Variants in COL4A5 observed in about 807,000 individuals in gnomAD.
COL4A5 encodes the protein collagen type IV alpha 5 chain.
A neutral mutation model predicts 130.2 loss-of-function variants in COL4A5; 26 were observed. That is an observed-to-expected ratio of 0.20 (90% CI 0.15 to 0.28). COL4A5 has a LOEUF of 0.28. Ranked by LOEUF, COL4A5 falls within the 10% of genes least tolerant of loss-of-function variation. The pLI is 1.00. For synonymous variants in COL4A5, 496 were observed against 439.6 expected, an observed-to-expected ratio of 1.13 and a Z score of -1.60; for missense variants, 1,131 against 1,344.3, an observed-to-expected ratio of 0.84 and a Z score of 2.48.
chrX:108,503,531 C>T (rs1440820181), intron 1 of COL4A5, among the ~76,000 whole-genome samples: 1 of 111,736 alleles, frequency 8.9e-6, no homozygotes, highest in Non-Finnish European at 1.9e-5. Flanking sequence ...CTCCAAAAGC[C>T]TTCTAGGCTT....
At chrX:108,588,585 A>T (rs1056921892) in intron 19 of COL4A5, among the ~76,000 whole-genome samples, 1 of 110,716 alleles carries the variant, frequency 9.0e-6, no homozygotes, top group Non-Finnish European at 1.9e-5. Context: ...ATGGGACAAG[A>T]GGCAGCATTT....
rs28880352 is a variant in COL4A5, at chrX:108,644,598, A to G, written c.3247-10733A>G. 3.7e-3 allele frequency among the ~76,000 whole-genome samples: 419 copies of G among 112,002 alleles called. 4 individuals carry two copies. Among genetic ancestry groups the G allele is most frequent in the African/African-American group, 0.013 (402 of 30,825 alleles). The stretch of plus-strand genomic sequence containing the variant: ...CAAAAGGAATCTGCAAATACATGGA[A>G]TTTAAACAACTTCCTCTCGGGCCGG... On this transcript the variant is annotated intron_variant, in intron 36 of 52. Transcript: ENST00000328300.
At chrX:108,693,014 T>C (rs776768040) in intron 50 of COL4A5, 89 bp downstream of exon 50, 1 of 1,007,835 alleles carries the variant, frequency 9.9e-7, no homozygotes, top group Admixed American at 2.2e-5. Flanking sequence ...CTGATGATAT[T>C]CCTCCTAGGT....
At chrX:108,505,099 G>A (rs978242071) in intron 1 of COL4A5, among the ~76,000 whole-genome samples, 2 of 111,458 alleles carry the variant, frequency 1.8e-5, no homozygotes, top group African/African-American at 6.5e-5. Flanking sequence ...GGATGAAACT[G>A]GAGGCCATTA....
At chrX:108,553,559 T>A (rs1331220353) in intron 2 of COL4A5, among the ~76,000 whole-genome samples, 1 of 111,804 alleles carries the variant, frequency 8.9e-6, no homozygotes, top group Non-Finnish European at 1.9e-5. Flanking sequence ...ACCATAAACC[T>A]GTTAGAATAT....
Position 108,601,932 on chromosome X carries a change from A to G in COL4A5, c.2089A>G (p.Ser697Gly). Residue 697 changes from serine (S) to glycine (G), a missense_variant, in exon 27 of 53, where the codon AGC becomes GGC. Physicochemically the swap from Ser to Gly is moderately conservative, Grantham distance 56. Coordinates refer to ENST00000328300, the MANE Select transcript of COL4A5 (RefSeq NM_033380.3). ...ACCAGGCTTGCCAGGGATACCTGGT[A>G]GCAAAGGAGAACCAGGTATCCCTGG... ...GQPGLPGIPG[S>G]KGEPGIPGIG... The G allele has an allele frequency of 8.6e-7, 1 of 1,167,994 alleles. No homozygotes were observed. The highest frequency in any genetic ancestry group is 1.1e-6 in the Non-Finnish European group (1 of 869,900).
intron 2 of COL4A5, among the ~76,000 whole-genome samples, chrX:108,544,443 A>C (rs925469211): frequency 1.8e-5 from 2 of 112,037 alleles, no homozygotes; most frequent in African/African-American, 6.5e-5. Context: ...CCAGCCTTGC[A>C]TCCCAGGGAT....
At chrX:108,470,069 T>G (rs1420444341) in intron 1 of COL4A5, among the ~76,000 whole-genome samples, 3 of 112,383 alleles carry the variant, frequency 2.7e-5, no homozygotes, top group Non-Finnish European at 3.8e-5. Context: ...ATGTCTTTGC[T>G]ATTGTGAATG....
intron 1 of COL4A5, among the ~76,000 whole-genome samples, chrX:108,537,939 A>G (rs1181515742): frequency 8.9e-6 from 1 of 111,975 alleles, no homozygotes; most frequent in African/African-American, 3.2e-5. Flanking sequence ...TATAAAATCC[A>G]TAGTCTGGAA....
chrX:108,612,939 G>C (rs1346731307), intron 29 of COL4A5, among the ~76,000 whole-genome samples: 1 of 112,007 alleles, frequency 8.9e-6, no homozygotes. Context: ...TAACATAATA[G>C]AGAGTCTAGA....
At chrX:108,618,147 T>G (rs896073026) in intron 30 of COL4A5, among the ~76,000 whole-genome samples, 1 of 111,337 alleles carries the variant, frequency 9.0e-6, no homozygotes, top group African/African-American at 3.3e-5. Flanking sequence ...ATACAATTCT[T>G]GTTATTGTGG....
At chrX:108,459,509 A>G (rs2064621684) in intron 1 of COL4A5, among the ~76,000 whole-genome samples, 1 of 112,397 alleles carries the variant, frequency 8.9e-6, no homozygotes, top group Admixed American at 9.4e-5. Context: ...TTTGATATTT[A>G]TAAATAACAA....
chrX:108,542,442 C>T (rs1009530443), intron 2 of COL4A5, among the ~76,000 whole-genome samples: 1 of 110,965 alleles, frequency 9.0e-6, no homozygotes, highest in African/African-American at 3.3e-5. Context: ...TGAACTCATC[C>T]TTTTTTATGG....
At chrX:108,599,871 G>T (rs933760115) in intron 25 of COL4A5, among the ~76,000 whole-genome samples, 4 of 112,091 alleles carry the variant, frequency 3.6e-5, no homozygotes, top group African/African-American at 1.3e-4. Flanking sequence ...CTGGGCTAGG[G>T]TATGTATTTA....
At chrX:108,637,728 C>T (rs1304065204) in intron 36 of COL4A5, among the ~76,000 whole-genome samples, 1 of 111,529 alleles carries the variant, frequency 9.0e-6, no homozygotes, top group Non-Finnish European at 1.9e-5. Context: ...TCTACCAAGA[C>T]TGAATCATAG....
intron 29 of COL4A5, among the ~76,000 whole-genome samples, chrX:108,607,224 G>A (rs762185204): frequency 2.1e-3 from 228 of 108,431 alleles, no homozygotes; most frequent in Non-Finnish European, 3.4e-3. Context: ...AAAATTAGCC[G>A]GGCATGGTGG....
chrX:108,558,403 C>A (rs756796336), intron 2 of COL4A5, among the ~76,000 whole-genome samples: 2 of 110,352 alleles, frequency 1.8e-5, no homozygotes, highest in South Asian at 3.9e-4. Flanking sequence ...TCACATCAGG[C>A]AACCCTACTG....
intron 1 of COL4A5, among the ~76,000 whole-genome samples, chrX:108,476,350 C>G (rs917166653): frequency 9.1e-6 from 1 of 109,940 alleles, no homozygotes; most frequent in Non-Finnish European, 1.9e-5. Context: ...ACACACAATG[C>G]GTAATAATGA....
intron 36 of COL4A5, among the ~76,000 whole-genome samples, chrX:108,654,756 A>G (rs935029937): frequency 1.8e-5 from 2 of 112,933 alleles, no homozygotes; most frequent in Middle Eastern, 4.6e-3. Context: ...TTAGATGCCC[A>G]CTGAAGAATT....
Sources: gnomAD v4.1 joint callset for allele counts (sites outside exome capture counted in the v4.1 genomes callset) on GRCh38, gnomAD v4.1.1 for gene constraint, MANE v1.5 for transcripts, NCBI Gene and HGNC (gene_info 2026-07-23, HGNC 2026-07-21) for gene names.